Variants in MYO5A observed in about 807,000 individuals in gnomAD.
The protein encoded by MYO5A is myosin VA.
A neutral mutation model predicts 249.7 loss-of-function variants in MYO5A; 98 were observed. The observed-to-expected ratio is 0.39, with a 90% CI of 0.33 to 0.46. The LOEUF (loss-of-function observed/expected upper bound fraction) is 0.46, where lower values mean the gene tolerates loss of function less well. MYO5A is among the 20% of genes least tolerant of loss of function. The pLI is 0.98. For missense variants in MYO5A, 1,696 were observed against 2,308.8 expected, an observed-to-expected ratio of 0.73 and a Z score of 5.44; for synonymous variants, 778 against 810.6, an observed-to-expected ratio of 0.96 and a Z score of 0.68.
At chr15:52,341,858 T>A in intron 31 of MYO5A, among the ~76,000 whole-genome samples, 1 of 152,232 alleles carries the variant, frequency 6.6e-6, no homozygotes, top group East Asian at 1.9e-4. Context: ...AGCAGATGAA[T>A]GTCTGTGTTA....
chr15:52,470,798 G>A (rs1173949283), intron 1 of MYO5A, among the ~76,000 whole-genome samples: 3 of 152,006 alleles, frequency 2.0e-5, no homozygotes, highest in African/African-American at 4.8e-5. Context: ...CAAGGAGGGC[G>A]GATCACTCGA....
intron 19 of MYO5A, 89 bp from the exon 20 acceptor site, chr15:52,375,549 T>A: frequency 7.8e-7 from 1 of 1,289,656 alleles, no homozygotes; most frequent in Non-Finnish European, 1.1e-6. Context: ...GTCACTGTTT[T>A]AGGCATAAAT....
intron 4 of MYO5A, among the ~76,000 whole-genome samples, chr15:52,419,842 T>C (rs1712194636): frequency 6.6e-6 from 1 of 152,246 alleles, no homozygotes; most frequent in Non-Finnish European, 1.5e-5. Flanking sequence ...TTTTACATAC[T>C]CTAGTTCTCT....
At chr15:52,349,162 G>A (rs756101139) in intron 28 of MYO5A, among the ~76,000 whole-genome samples, 78 of 152,112 alleles carry the variant, frequency 5.1e-4, no homozygotes, top group Non-Finnish European at 1.3e-4. Flanking sequence ...AATTCTTATC[G>A]TAGGTCTGTG....
At chr15:52,371,445 A>G (rs965638169) in intron 21 of MYO5A, among the ~76,000 whole-genome samples, 7 of 152,254 alleles carry the variant, frequency 4.6e-5, no homozygotes, top group African/African-American at 1.7e-4. Flanking sequence ...TGAACATGAT[A>G]CCACATGAAA....
chr15:52,322,393 G>A lies in MYO5A; in HGVS notation c.4801-884C>T, dbSNP rs144292168. Among the ~76,000 whole-genome samples the A allele has an allele frequency of 7.7e-3, 1,180 of 152,334 alleles. 14 individuals are homozygous for A. The highest frequency in any genetic ancestry group is 0.027 in the African/African-American group (1,131 of 41,580). On this transcript the variant is annotated intron_variant, in intron 37 of 41. Coordinates refer to ENST00000399233, the MANE Select transcript of MYO5A (RefSeq NM_001382347.1). ...CTGCTGCCCTCCTGGCAAAGGGATG[G>A]GAGGCATGGAGGGCAGTTGGCTAGG...
chr15:52,526,189 T>A (rs902360971), intron 1 of MYO5A, among the ~76,000 whole-genome samples: 6 of 151,976 alleles, frequency 3.9e-5, no homozygotes, highest in African/African-American at 1.2e-4. Context: ...TTAAAAAAAA[T>A]TTTTTTTCAA....
At chr15:52,373,381 C>T (rs1237553368) in intron 20 of MYO5A, among the ~76,000 whole-genome samples, 1 of 152,214 alleles carries the variant, frequency 6.6e-6, no homozygotes, top group Admixed American at 6.5e-5. Context: ...CCATTTGCTT[C>T]TCCCATGTAA....
chr15:52,331,185 GTTA>G (rs917221791), intron 34 of MYO5A, among the ~76,000 whole-genome samples: 3 of 151,976 alleles, frequency 2.0e-5, no homozygotes, highest in Non-Finnish European at 4.4e-5. Context: ...TTTCCTAAAT[GTTA>G]TTATTTTTTA....
At chr15:52,405,470 C>T in intron 8 of MYO5A, 77 bp from the exon 9 acceptor site, 1 of 1,099,226 alleles carries the variant, frequency 9.1e-7, no homozygotes, top group Non-Finnish European at 1.4e-6. Context: ...AATTTTAAGC[C>T]TATTGTTAAT....
At chr15:52,346,645 A>C (rs766435718) in intron 29 of MYO5A, 184 bp from the exon 30 acceptor site, 12 of 679,004 alleles carry the variant, frequency 1.8e-5, no homozygotes, top group Non-Finnish European at 3.2e-5. Context: ...AGTTGAGAAG[A>C]GGTACCTTCA....
intron 1 of MYO5A, among the ~76,000 whole-genome samples, chr15:52,517,942 G>C (rs2077528333): frequency 6.6e-6 from 1 of 151,494 alleles, no homozygotes; most frequent in Non-Finnish European, 1.5e-5. Context: ...ATCCAGATTA[G>C]CTACAAGGCA....
chr15:52,336,780 G>A (rs2140977278), intron 33 of MYO5A, among the ~76,000 whole-genome samples: 1 of 152,344 alleles, frequency 6.6e-6, no homozygotes, highest in Admixed American at 6.5e-5. Flanking sequence ...CAGCGTGATG[G>A]ACAGCAGGCT....
At chr15:52,522,617 T>A (rs987449502) in intron 1 of MYO5A, among the ~76,000 whole-genome samples, 13 of 152,226 alleles carry the variant, frequency 8.5e-5, no homozygotes, top group African/African-American at 2.7e-4. Context: ...TATCCTCTAG[T>A]GGACCACGTA....
At chr15:52,404,359 C>G (rs1174541414) in intron 9 of MYO5A, among the ~76,000 whole-genome samples, 3 of 151,076 alleles carry the variant, frequency 2.0e-5, no homozygotes, top group Admixed American at 2.0e-4. Flanking sequence ...TCTCACACAT[C>G]TAATATAGTA....
chr15:52,484,644 T>C (rs1036772403), intron 1 of MYO5A, among the ~76,000 whole-genome samples: 1 of 152,100 alleles, frequency 6.6e-6, no homozygotes, highest in African/African-American at 2.4e-5. Context: ...CTGATTTCAA[T>C]GTTTGTTTGT....
chr15:52,392,015 A>T lies in MYO5A; in HGVS notation c.1457T>A (p.Leu486His). Residue 486 changes from leucine (L) to histidine (H), a missense_variant, in exon 12 of 42, where the codon CTC becomes CAC. Leu to His is a moderately conservative substitution (Grantham distance 99). Coordinates refer to ENST00000399233, the MANE Select transcript of MYO5A (RefSeq NM_001382347.1). ...AGGCTGATTATCATAAAAATCTATG[A>T]GTGTCCATGGAATTTGTTCCTTCAT... ...EYMKEQIPWT[L>H]IDFYDNQPCI... 2 of 1,611,362 alleles carry T rather than the reference A, an allele frequency of 1.2e-6. No homozygotes were observed. The highest frequency in any genetic ancestry group is 1.7e-6 in the Non-Finnish European group (2 of 1,178,012).
At chr15:52,393,695 ATTTACAGTG>A (rs1310237454) in intron 11 of MYO5A, among the ~76,000 whole-genome samples, 1 of 152,140 alleles carries the variant, frequency 6.6e-6, no homozygotes, top group African/African-American at 2.4e-5. Context: ...GCCTGGCCTC[ATTTACAGTG>A]TTTACAGTCT....
At chr15:52,359,167 T>C (rs951478499) in intron 25 of MYO5A, among the ~76,000 whole-genome samples, 1 of 152,234 alleles carries the variant, frequency 6.6e-6, no homozygotes, top group Non-Finnish European at 1.5e-5. Flanking sequence ...CATTCTTAAG[T>C]AGAACTAAGA....
Sources: allele counts gnomAD v4.1 joint callset (sites outside exome capture counted in the v4.1 genomes callset), GRCh38; gene constraint gnomAD v4.1.1; transcripts MANE v1.5; gene names NCBI Gene and HGNC (gene_info 2026-07-23, HGNC 2026-07-21).